Variants in OXNAD1 observed in about 807,000 individuals in gnomAD.
The protein encoded by OXNAD1 is oxidoreductase NAD-binding domain-containing protein 1.
In OXNAD1, 34 loss-of-function variants were observed where a neutral mutation model predicts 32.9. The ratio of observed to expected loss-of-function variants is 1.03; its 90% CI spans 0.79 to 1.38. OXNAD1 has a LOEUF of 1.38. Among genes scored for constraint, OXNAD1 ranks in the 40% most tolerant of loss-of-function variants. The pLI is 0.00. For synonymous variants in OXNAD1, 134 were observed against 135.2 expected (o/e 0.99, Z 0.06); for missense variants, 407 against 379.4 (o/e 1.07, Z -0.60).
downstream of OXNAD1, among the ~76,000 whole-genome samples, chr3:16,307,521 T>A (rs2067645506): frequency 6.6e-6 from 1 of 152,154 alleles, no homozygotes; most frequent in South Asian, 2.1e-4. Context: ...TGGCAACTGG[T>A]CCAGTCATTG....
intron 9 of OXNAD1, among the ~76,000 whole-genome samples, chr3:16,319,541 C>T (rs2068806943): frequency 6.6e-6 from 1 of 152,194 alleles, no homozygotes; most frequent in Non-Finnish European, 1.5e-5. Context: ...CAGTGTACAA[C>T]TGAGGACAAT....
In OXNAD1 at chr3:16,320,673, GAA is replaced by G. The variant is rs914261496; in HGVS notation, c.*31-16436_*31-16435del. On this transcript the variant is annotated intron_variant, in intron 9 of 9. Transcript: ENST00000435829. This position sits in a 1 kb window ranked among gnomAD's most constrained non-coding sequence, Gnocchi z 4.5. ...ATAAAAGGAGACAGCACTGTTCTGA[GAA>G]AAGGATGCTCGAGTAGAGCTAGAAA... 6.6e-6 allele frequency among the ~76,000 whole-genome samples: 1 copy of G among 152,248 alleles called. No individual in the cohort carries two copies. The highest frequency in any genetic ancestry group is 2.4e-5 in the African/African-American group (1 of 41,470).
At chr3:16,339,193 A>G (rs2071134650), downstream of OXNAD1, 1 of 152,208 alleles carries the variant, frequency 6.6e-6, no homozygotes, top group Admixed American at 6.5e-5. Context: ...CACATTCTCA[A>G]GCCATGCTGG....
At chr3:16,276,716 A>G (rs983934273) in intron 4 of OXNAD1, 2 of 152,062 alleles carry the variant, frequency 1.3e-5, no homozygotes, top group Non-Finnish European at 2.9e-5. Context: ...CCCTTCTTCC[A>G]TTTCAGAATT....
Position 16,271,064 on chromosome 3 carries a change from C to G in OXNAD1, c.112C>G (p.Leu38Val), listed in dbSNP as rs1305752596. The change falls in exon 3 of 9, where the codon CTA (leucine) becomes GTA (valine). Residue 38 changes from leucine (L) to valine (V), a missense_variant. Leu to Val is a conservative substitution (Grantham distance 32, BLOSUM62 1). Coordinates refer to ENST00000285083, the MANE Select transcript of OXNAD1 (RefSeq NM_138381.5). The surrounding 1 kb of genome is among the most constrained non-coding windows in gnomAD (Gnocchi z 4.6). The part of the protein sequence containing the change: ...LTLSTLRHLT[L>V]TSIMKSKRKT... ...ACTCAGCACTTTGCGCCACCTTACT[C>G]TAACCAGGTGAGTCATTAAGACTTC... The G allele has an allele frequency of 5.6e-6, 9 of 1,613,902 alleles. No homozygotes were observed. The highest frequency in any genetic ancestry group is 7.6e-6 in the Non-Finnish European group (9 of 1,179,944).
chr3:16,349,191 G>A (rs777812358), exon 10 of OXNAD1: 29 of 152,166 alleles, frequency 1.9e-4, no homozygotes, highest in African/African-American at 2.9e-4. Context: ...GAGTACTAGC[G>A]GCCATCTCCA....
In OXNAD1 at chr3:16,317,045, T is replaced by C. The variant is rs138078234; in HGVS notation, c.*30+13453T>C. The C allele has an allele frequency of 3.4e-4, 547 of 1,613,628 alleles. 1 individual carries two copies. In the African/African-American group the frequency reaches 6.8e-3, roughly 20 times the overall value. ...GTCCTCTTGGACAGGGCCCTTCATC[T>C]CCTCGGAGACTCCACCCTCCTGCTG... On this transcript the variant is annotated intron_variant, in intron 9 of 9. Coordinates refer to the OXNAD1 transcript ENST00000435829. This position sits in a 1 kb window ranked among gnomAD's most constrained non-coding sequence, Gnocchi z 4.3.
intron 6 of OXNAD1, among the ~76,000 whole-genome samples, chr3:16,295,965 AGAG>A (rs1162782643): frequency 6.6e-5 from 10 of 152,356 alleles, no homozygotes; most frequent in Admixed American, 2.0e-4. Context: ...GGAAATAAGT[AGAG>A]GAGAGAGGCC....
At position 16,348,885 on chromosome 3, in the gene OXNAD1, T is replaced by G. The variant is rs1379878568; in HGVS notation, c.*31-291T>G. Reference sequence around the variant, plus strand: ...TCTCTGTGTCCTGCCACTGCCACAATCCACACACATTTCAGAACACCCGAG... The same window carrying G: ...TCTCTGTGTCCTGCCACTGCCACAAGCCACACACATTTCAGAACACCCGAG... On this transcript the variant is annotated intron_variant, in intron 9 of 9. Transcript: ENST00000606098. This position sits in a 1 kb window ranked among gnomAD's most constrained non-coding sequence, Gnocchi z 6.3. Among the ~76,000 whole-genome samples, 1 of 152,140 alleles carries G rather than the reference T, an allele frequency of 6.6e-6. No individual in the cohort carries two copies. The highest frequency in any genetic ancestry group is 1.9e-4 in the East Asian group (1 of 5,196).
rs1390533096 is a variant in OXNAD1 at position 16,320,753 on chromosome 3, G to A, written c.*31-16359G>A. 6.6e-6 allele frequency among the ~76,000 whole-genome samples: 1 copy of A among 152,050 alleles called. No homozygotes were observed. The highest frequency in any genetic ancestry group is 2.4e-5 in the African/African-American group (1 of 41,418). On this transcript the variant is annotated intron_variant, in intron 9 of 9. Transcript: ENST00000435829. This position sits in a 1 kb window ranked among gnomAD's most constrained non-coding sequence, Gnocchi z 4.5. ...CACGGAAGAACTGGAGGCCACAGAGGAGCTGGAGGCCACAGAGAATGGGAG... is the reference window on the plus strand; with the variant it reads ...CACGGAAGAACTGGAGGCCACAGAGAAGCTGGAGGCCACAGAGAATGGGAG...
chr3:16,346,888 G>T lies in OXNAD1; in HGVS notation c.*31-2288G>T, dbSNP rs2071757311. ...GATGGCAACATCTGGATCCCTGGTG[G>T]CATCTTTAAGCTGTTGACAAAGCTG... On this transcript the variant is annotated intron_variant, in intron 9 of 9. Transcript: ENST00000606098. This position sits in a 1 kb window ranked among gnomAD's most constrained non-coding sequence, Gnocchi z 4.4. Among the ~76,000 whole-genome samples the T allele has an allele frequency of 6.6e-6, 1 of 152,140 alleles. No individual in the cohort carries two copies. Among genetic ancestry groups the T allele is most frequent in the Admixed American group, 6.5e-5 (1 of 15,270 alleles).
chr3:16,327,549 G>A lies in OXNAD1; in HGVS notation c.*31-9563G>A, dbSNP rs2069832549. Among the ~76,000 whole-genome samples, 1 of 152,034 alleles carries A rather than the reference G, an allele frequency of 6.6e-6. No homozygotes were observed. Among genetic ancestry groups the A allele is most frequent in the Non-Finnish European group, 1.5e-5 (1 of 67,990 alleles). On this transcript the variant is annotated intron_variant, in intron 9 of 9. Coordinates refer to the OXNAD1 transcript ENST00000435829. This position sits in a 1 kb window ranked among gnomAD's most constrained non-coding sequence, Gnocchi z 4.2. ...CTGAGGCAGGTGGATCACATGGTCAGGAGATCAAGACCATCCTGGCTAACA... is the reference window on the plus strand; with the variant it reads ...CTGAGGCAGGTGGATCACATGGTCAAGAGATCAAGACCATCCTGGCTAACA...
chr3:16,330,679 T>C, intron 9 of OXNAD1, among the ~76,000 whole-genome samples: 1 of 152,246 alleles, frequency 6.6e-6, no homozygotes, highest in East Asian at 1.9e-4. Context: ...TTTCAACTCG[T>C]ATAAAAGGAA....
chr3:16,331,308 C>T (rs1414817720), intron 9 of OXNAD1, among the ~76,000 whole-genome samples: 1 of 152,190 alleles, frequency 6.6e-6, no homozygotes, highest in East Asian at 1.9e-4. Flanking sequence ...TTTAGGTATC[C>T]TAATTTTCTA....
rs1246998045 is a variant in OXNAD1 at position 16,280,947 on chromosome 3, A to G, written c.184-5395A>G. 6.6e-6 allele frequency among the ~76,000 whole-genome samples: 1 copy of G among 152,218 alleles called. No homozygotes were observed. The highest frequency in any genetic ancestry group is 2.4e-5 in the African/African-American group (1 of 41,456). On this transcript the variant is annotated intron_variant, in intron 4 of 8. Coordinates refer to ENST00000285083, the MANE Select transcript of OXNAD1 (RefSeq NM_138381.5). This position sits in a 1 kb window ranked among gnomAD's most constrained non-coding sequence, Gnocchi z 4.5. The stretch of plus-strand genomic sequence containing the variant: ...CCTGCCATGTGTTTTAACTTAGGAC[A>G]TGGATAGTTGAGGTTTCAGTTGTGA...
intron 4 of OXNAD1, among the ~76,000 whole-genome samples, chr3:16,272,835 G>C (rs549935819): frequency 4.6e-5 from 7 of 151,492 alleles, no homozygotes; most frequent in South Asian, 2.1e-4. Context: ...ATAAAATGAA[G>C]GCCTTGCAAA....
rs1410523723 is a variant in OXNAD1 at position 16,312,545 on chromosome 3, A to G, written c.*30+8953A>G. Among the ~76,000 whole-genome samples, 1 of 152,208 alleles carries G rather than the reference A, an allele frequency of 6.6e-6. No individual in the cohort carries two copies. The highest frequency in any genetic ancestry group is 1.5e-5 in the Non-Finnish European group (1 of 68,032). On this transcript the variant is annotated intron_variant, in intron 9 of 9. Coordinates refer to the OXNAD1 transcript ENST00000435829. This position sits in a 1 kb window ranked among gnomAD's most constrained non-coding sequence, Gnocchi z 4.7. ...ATCTTAGGCTGCTGTGAGCCCTAGC[A>G]GGACAGAGCCCAGACTGTGTGCTCC...
chr3:16,306,121 T>G (rs2067537316), downstream of OXNAD1: 1 of 152,228 alleles, frequency 6.6e-6, no homozygotes, highest in African/African-American at 2.4e-5. Context: ...AAAATGTTTC[T>G]TCTTTTGACA....
At chr3:16,308,582 G>GTTCTCA (rs1305013445), downstream of OXNAD1, among the ~76,000 whole-genome samples, 1 of 152,032 alleles carries the variant, frequency 6.6e-6, no homozygotes, top group Non-Finnish European at 1.5e-5. The surrounding 1 kb of genome is among the most constrained non-coding windows in gnomAD (Gnocchi z 4.4). Context: ...GAAGTATACT[G>GTTCTCA]TTCTCATCTT....
Sources: gnomAD v4.1 joint callset for allele counts (sites outside exome capture counted in the v4.1 genomes callset) on GRCh38, gnomAD v4.1.1 for gene constraint, Gnocchi (gnomAD v3.1) non-coding constraint, MANE v1.5 for transcripts, NCBI Gene and HGNC (gene_info 2026-07-23, HGNC 2026-07-21) for gene names.